The following LRRC19 variants were observed in gnomAD, a reference collection of about 807,000 sequenced individuals.
LRRC19 encodes the protein leucine-rich repeat-containing protein 19.
Under a neutral mutation model 33.3 loss-of-function variants are expected in LRRC19, and 33 were observed. The ratio of observed to expected loss-of-function variants is 0.99; its 90% CI spans 0.75 to 1.33. The LOEUF (loss-of-function observed/expected upper bound fraction) is 1.33, where lower values mean the gene tolerates loss of function less well. Ranked by LOEUF, LRRC19 falls within the 40% of genes most tolerant of loss-of-function variation. The pLI, the probability that LRRC19 is intolerant of heterozygous loss-of-function variation, is 0.00. For missense variants in LRRC19, 463 were observed against 417.3 expected (o/e 1.11, Z -0.95); for synonymous variants, 184 against 152.3 (o/e 1.21, Z -1.53).
At chr9:27,001,927 G>A (rs1166268832) in intron 1 of LRRC19, among the ~76,000 whole-genome samples, 1 of 147,860 alleles carries the variant, frequency 6.8e-6, no homozygotes, top group African/African-American at 2.5e-5. Flanking sequence ...ATTCTCCAAC[G>A]TTTTCTTTTT....
intron 1 of LRRC19, among the ~76,000 whole-genome samples, chr9:27,002,613 A>AGAT (rs1828561558): frequency 6.6e-6 from 1 of 152,220 alleles, no homozygotes; most frequent in East Asian, 1.9e-4. Context: ...GTGTGTATTT[A>AGAT]TATCTGAGTT....
chr9:26,995,549 T>C lies in LRRC19; in HGVS notation c.1085A>G (p.Asp362Gly). The C allele has an allele frequency of 6.3e-7, 1 of 1,576,590 alleles. No individual in the cohort carries two copies. The highest frequency in any genetic ancestry group is 8.7e-7 in the Non-Finnish European group (1 of 1,155,466). Residue 362 changes from aspartate to glycine, a missense_variant, in exon 5 of 5, where the codon GAT (aspartate) becomes GGT (glycine). Coordinates refer to ENST00000380055, the MANE Select transcript of LRRC19 (RefSeq NM_022901.3). ...ATTTTCTTCACATAATTCATGGATATCTATATATTTGTCTTCAATAAATCC... is the reference window on the plus strand; with the variant it reads ...ATTTTCTTCACATAATTCATGGATACCTATATATTTGTCTTCAATAAATCC... ...DDGFIEDKYI[D>G]IHELCEEN
At chr9:27,004,576 G>C (rs911075184) in intron 1 of LRRC19, among the ~76,000 whole-genome samples, 7 of 152,286 alleles carry the variant, frequency 4.6e-5, no homozygotes, top group African/African-American at 1.4e-4. Flanking sequence ...CAGATACGCA[G>C]AATAGCTGGC....
At chr9:27,004,656 C>T (rs891742836) in intron 1 of LRRC19, among the ~76,000 whole-genome samples, 14 of 152,126 alleles carry the variant, frequency 9.2e-5, no homozygotes, top group Admixed American at 7.9e-4. Flanking sequence ...AAAAGGAAGT[C>T]AGTCATTGTT....
Position 26,997,993 on chromosome 9 carries a change from A to G in LRRC19, c.330T>C (p.Tyr110=), listed in dbSNP as rs1265262446. The change falls in exon 3 of 5, where the codon TAT becomes TAC. Residue 110 remains tyrosine, a synonymous_variant. Transcript: ENST00000380055. Reference sequence around the variant, plus strand: ...CTAAAAATGCACCCTGTTGAATTACATAGATGGAGTTTCTACAGATATTTA... The same window carrying G: ...CTAAAAATGCACCCTGTTGAATTACGTAGATGGAGTTTCTACAGATATTTA... ...EILNICRNSI[Y]VIQQGAFLGL... is the part of the protein sequence containing the mutation. 10 of 1,613,860 alleles carry G rather than the reference A, an allele frequency of 6.2e-6. No homozygotes were observed. The highest frequency in any genetic ancestry group is 1.1e-5 in the South Asian group (1 of 91,072).
At chr9:26,997,703 G>A (rs1339905553) in intron 3 of LRRC19, 25 bp downstream of exon 3, 27 of 1,559,250 alleles carry the variant, frequency 1.7e-5, no homozygotes, top group Non-Finnish European at 2.2e-5. Flanking sequence ...TCACATTTTG[G>A]TTTTGCTTAA....
chr9:27,000,123 G>A (rs898328617), intron 1 of LRRC19, among the ~76,000 whole-genome samples: 5 of 152,090 alleles, frequency 3.3e-5, no homozygotes, highest in Admixed American at 6.6e-5. Context: ...TGTGAAACAA[G>A]TGCATGGCCA....
chr9:27,001,395 CAG>C (rs1176509639), intron 1 of LRRC19, among the ~76,000 whole-genome samples: 3 of 152,070 alleles, frequency 2.0e-5, no homozygotes, highest in African/African-American at 7.2e-5. Context: ...TACTGCTCTC[CAG>C]AGTGGCTATA....
rs576878766 is a variant in LRRC19, at chr9:27,001,601, G to T, written c.-9-1898C>A. 4.6e-5 allele frequency among the ~76,000 whole-genome samples: 7 copies of T among 152,132 alleles called. No individual in the cohort carries two copies. The East Asian group carries it at 1.4e-3, about 29-fold the overall frequency. ...TTCCACATACTTGTTTGTCTTTTGT[G>T]TGTTTTTTGAGAAATATCTATTCAG... On this transcript the variant is annotated intron_variant, in intron 1 of 4. Coordinates refer to ENST00000380055, the MANE Select transcript of LRRC19 (RefSeq NM_022901.3).
Position 26,995,817 on chromosome 9 carries a change from G to A in LRRC19, c.817C>T (p.Leu273Phe). Residue 273 changes from leucine (L) to phenylalanine (F), a missense_variant, in exon 5 of 5, where the codon CTT becomes TTT. By Grantham distance (22) the Leu-to-Phe change is conservative. Coordinates refer to ENST00000380055, the MANE Select transcript of LRRC19 (RefSeq NM_022901.3). ...AGTACAGTGACAACAACACCAACAAGAAAAGCCCAACTTTTTCCAAGAGGT... is the reference window on the plus strand; with the variant it reads ...AGTACAGTGACAACAACACCAACAAAAAAAGCCCAACTTTTTCCAAGAGGT... Reference protein sequence around the residue: ...HEPLGKSWAFLVGVVVTVLTT... With the variant: ...HEPLGKSWAFFVGVVVTVLTT... The A allele has an allele frequency of 6.2e-7, 1 of 1,604,990 alleles. No homozygotes were observed. The highest frequency in any genetic ancestry group is 1.1e-5 in the South Asian group (1 of 89,476).
Position 26,997,968 on chromosome 9 carries a change from C to G in LRRC19, c.355G>C (p.Gly119Arg), listed in dbSNP as rs998524980. The change falls in exon 3 of 5, where the codon GGC (glycine) becomes CGC (arginine). Residue 119 changes from glycine to arginine, a missense_variant. Physicochemically the swap from Gly to Arg is moderately radical, Grantham distance 125 (BLOSUM62 -2). Coordinates refer to ENST00000380055, the MANE Select transcript of LRRC19 (RefSeq NM_022901.3). ...TATAACTGTTTTAGTTTATTTAAGC[C>G]TAAAAATGCACCCTGTTGAATTACA... ...IYVIQQGAFL[G>R]LNKLKQLYLC... 1.9e-6 allele frequency: 3 copies of G among 1,613,662 alleles called. No individual in the cohort carries two copies. Among genetic ancestry groups the G allele is most frequent in the Non-Finnish European group, 2.5e-6 (3 of 1,179,938 alleles).
chr9:27,005,149 C>T (rs1046589039), intron 1 of LRRC19, among the ~76,000 whole-genome samples: 2 of 151,286 alleles, frequency 1.3e-5, no homozygotes, highest in Non-Finnish European at 2.9e-5. Flanking sequence ...AGATTTAAAA[C>T]CTTTTTGTAA....
chr9:26,994,158 T>A lies in LRRC19; in HGVS notation c.*1363A>T, dbSNP rs1200606516. 1 of 152,190 alleles carries A rather than the reference T, an allele frequency of 6.6e-6. No homozygotes were observed. The highest frequency in any genetic ancestry group is 1.5e-5 in the Non-Finnish European group (1 of 68,036). 9.4% of individuals were successfully genotyped at this position (152,190 alleles called of 1,614,324 possible). Reference sequence around the variant, plus strand: ...GTAACTGAAAGAATGGGTTTTGTTGTCAAGTAAGTTTGAGAAATTTTTAAT... The same window carrying A: ...GTAACTGAAAGAATGGGTTTTGTTGACAAGTAAGTTTGAGAAATTTTTAAT... On this transcript the variant is annotated 3_prime_UTR_variant, in exon 5 of 5. Transcript: ENST00000380055.
chr9:27,000,622 G>T (rs936146582), intron 1 of LRRC19, among the ~76,000 whole-genome samples: 5 of 152,098 alleles, frequency 3.3e-5, no homozygotes, highest in Non-Finnish European at 7.4e-5. Context: ...TTAAATATTT[G>T]TCTTTTCTTT....
At chr9:27,004,045 A>G (rs1227693269) in intron 1 of LRRC19, among the ~76,000 whole-genome samples, 1 of 152,184 alleles carries the variant, frequency 6.6e-6, no homozygotes, top group Non-Finnish European at 1.5e-5. Context: ...AGAAACAAAT[A>G]GGATGGGGAT....
intron 1 of LRRC19, among the ~76,000 whole-genome samples, chr9:27,000,771 G>A (rs907413902): frequency 1.3e-5 from 2 of 152,074 alleles, no homozygotes; most frequent in South Asian, 2.1e-4. Context: ...GCAAACCACC[G>A]TGGCACATGT....
chr9:26,998,111 G>A lies in LRRC19; in HGVS notation c.212C>T (p.Thr71Ile), dbSNP rs1828266140. 2.5e-6 allele frequency: 4 copies of A among 1,613,120 alleles called. No individual in the cohort carries two copies. The highest frequency in any genetic ancestry group is 3.4e-6 in the Non-Finnish European group (4 of 1,179,362). Residue 71 changes from threonine to isoleucine, a missense_variant, in exon 3 of 5, where the codon ACA becomes ATA. By Grantham distance (89) the Thr-to-Ile change is moderately conservative. Coordinates refer to ENST00000380055, the MANE Select transcript of LRRC19 (RefSeq NM_022901.3). ...ATAGAGCTCTGTGAGTAAAAAGTAT[G>A]TCTGTAGAACTCTTGTGTCTGTACC... ...LNGTDTRVLQ[T>I]YFLLTELYLI...
At position 26,997,723 on chromosome 9, in the gene LRRC19, C is replaced by CT; in HGVS notation, c.595+4dup. The CT allele has an allele frequency of 6.3e-7, 1 of 1,582,764 alleles. No homozygotes were observed. Among genetic ancestry groups the CT allele is most frequent in the Non-Finnish European group, 8.6e-7 (1 of 1,168,696 alleles). On this transcript the variant is annotated splice_donor_region_variant and intron_variant, in intron 3 of 4. Coordinates refer to ENST00000380055, the MANE Select transcript of LRRC19 (RefSeq NM_022901.3). ...TTTTGGTTTTGCTTAATTATGATAG[C>CT]TTACCTAATGTCACATTTGATGTGT...
In LRRC19 at chr9:26,995,592, A is replaced by T. The variant is rs1342498933; in HGVS notation, c.1042T>A (p.Phe348Ile). Residue 348 changes from phenylalanine (F) to isoleucine (I), a missense_variant, in exon 5 of 5, where the codon TTT becomes ATT. Phe to Ile is a conservative substitution (Grantham distance 21). Transcript: ENST00000380055. Reference protein sequence around the residue: ...TTVIFEQLHSFVVDDDGFIED... With the variant: ...TTVIFEQLHSIVVDDDGFIED... ...ATAAATCCATCATCATCTACCACAA[A>T]TGAATGTAATTGTTCAAATATTACT... 3.1e-6 allele frequency: 5 copies of T among 1,604,172 alleles called. No individual in the cohort carries two copies. In the South Asian group the frequency reaches 5.5e-5, roughly 18 times the overall value.
Sources: allele counts gnomAD v4.1 joint callset (sites outside exome capture counted in the v4.1 genomes callset), GRCh38; gene constraint gnomAD v4.1.1; transcripts MANE v1.5; gene names NCBI Gene and HGNC (gene_info 2026-07-23, HGNC 2026-07-21).